SORBS2: variants seen among roughly 807,000 people sequenced by gnomAD.
SORBS2 encodes sorbin and SH3 domain-containing protein 2.
In SORBS2, 46 loss-of-function variants were observed where a neutral mutation model predicts 97.7. The ratio of observed to expected loss-of-function variants is 0.47; its 90% confidence interval spans 0.37 to 0.60. The LOEUF (loss-of-function observed/expected upper bound fraction) is 0.60, where lower values mean the gene tolerates loss of function less well. Among genes scored for constraint, SORBS2 ranks in the 20% least tolerant of loss-of-function variants. SORBS2 has a pLI of 0.00. For missense variants in SORBS2, 1,316 were observed against 1,282.3 expected (o/e 1.03, Z -0.40); for synonymous variants, 476 against 473.4 (o/e 1.01, Z -0.07).
chr4:185,826,564 C>T (rs1394315414), intron 1 of SORBS2, among the ~76,000 whole-genome samples: 3 of 152,214 alleles, frequency 2.0e-5, no homozygotes, highest in Non-Finnish European at 4.4e-5. Context: ...ACACACTTCA[C>T]AATGTGTGAA....
intron 2 of SORBS2, among the ~76,000 whole-genome samples, chr4:185,725,987 T>C (rs2098552397): frequency 6.6e-6 from 1 of 152,218 alleles, no homozygotes; most frequent in South Asian, 2.1e-4. Context: ...GTACATTTCA[T>C]GTTTTAGCCT....
At chr4:185,594,509 A>C (rs1463313501) in intron 12 of SORBS2, among the ~76,000 whole-genome samples, 1 of 152,236 alleles carries the variant, frequency 6.6e-6, no homozygotes, top group Non-Finnish European at 1.5e-5. Context: ...TTAAAAAGAG[A>C]AAACAGAACT....
intron 1 of SORBS2, among the ~76,000 whole-genome samples, chr4:185,896,809 C>A (rs1320643010): frequency 6.6e-6 from 1 of 151,736 alleles, no homozygotes; most frequent in Non-Finnish European, 1.5e-5. Context: ...AAAAGCCAAG[C>A]CACTGGGTGG....
In SORBS2 at chr4:185,747,051, C is replaced by G. The variant is rs566805261; in HGVS notation, c.-198+28176G>C. On this transcript the variant is annotated intron_variant, in intron 2 of 20. Coordinates refer to the SORBS2 transcript ENST00000284776. ...CTCACGCCTATGATGCCACTGCACT[C>G]CAGCCTGGGCAACAGTGTGAGACTT... Among the ~76,000 whole-genome samples the G allele has an allele frequency of 2.9e-3, 449 of 152,206 alleles. 1 individual carries two copies. Among genetic ancestry groups the G allele is most frequent in the Non-Finnish European group, 4.8e-3 (326 of 68,022 alleles).
At chr4:185,657,485 G>T (rs763503532), upstream of SORBS2, 2 of 1,569,400 alleles carry the variant, frequency 1.3e-6, no homozygotes, top group East Asian at 4.8e-5. Context: ...GTAATGCGGG[G>T]CTTTGATGAC....
At chr4:185,658,736 G>A (rs558003229), upstream of SORBS2, among the ~76,000 whole-genome samples, 27 of 133,912 alleles carry the variant, frequency 2.0e-4, no homozygotes, top group African/African-American at 7.1e-4. Context: ...CTGTCACCCA[G>A]CTGGAGTGCA....
intron 1 of SORBS2, among the ~76,000 whole-genome samples, chr4:185,808,464 T>C (rs1400545863): frequency 1.3e-5 from 2 of 152,166 alleles, no homozygotes; most frequent in Non-Finnish European, 2.9e-5. Context: ...AGTTTTTTCA[T>C]AAAAAGGCTA....
At chr4:185,627,723 T>C (rs930637712) in intron 5 of SORBS2, among the ~76,000 whole-genome samples, 7 of 152,186 alleles carry the variant, frequency 4.6e-5, no homozygotes, top group African/African-American at 1.7e-4. Flanking sequence ...TGTTTTGTCT[T>C]AAACATTTTA....
chr4:185,637,902 G>A (rs2097049904), intron 4 of SORBS2, among the ~76,000 whole-genome samples, 177 bp downstream of exon 15: 1 of 152,056 alleles, frequency 6.6e-6, no homozygotes, highest in Admixed American at 6.6e-5. Flanking sequence ...AAATGTCTGA[G>A]CACATTTGAC....
At chr4:185,879,089 G>A (rs1244283533) in intron 1 of SORBS2, among the ~76,000 whole-genome samples, 1 of 149,318 alleles carries the variant, frequency 6.7e-6, no homozygotes, top group East Asian at 1.9e-4. Context: ...TGTTACATAT[G>A]TATACATGTG....
chr4:185,660,882 C>T (rs185005409), upstream of SORBS2, among the ~76,000 whole-genome samples: 49 of 152,208 alleles, frequency 3.2e-4, no homozygotes, highest in Admixed American at 3.1e-3. Context: ...CCTAGTGAGT[C>T]GACATCATGG....
At chr4:185,761,417 T>C (rs1337264962) in intron 2 of SORBS2, 1 of 152,262 alleles carries the variant, frequency 6.6e-6, no homozygotes, top group African/African-American at 2.4e-5. Flanking sequence ...CTACTATAGA[T>C]AGCTCTCATT....
chr4:185,798,100 T>G lies in SORBS2; in HGVS notation c.-337-22734A>C, dbSNP rs573705531. Among the ~76,000 whole-genome samples the G allele has an allele frequency of 5.3e-5, 8 of 152,286 alleles. No homozygotes were observed. In the South Asian group the frequency reaches 1.2e-3, roughly 24 times the overall value. On this transcript the variant is annotated intron_variant, in intron 1 of 20. Transcript: ENST00000284776. The stretch of plus-strand genomic sequence containing the variant: ...AATCAGAGGTGCACGGTGTGTGCCT[T>G]TTACATGAACTCATGCATACACCAA...
At chr4:185,920,439 G>C (rs987499953) in intron 1 of SORBS2, among the ~76,000 whole-genome samples, 3 of 152,170 alleles carry the variant, frequency 2.0e-5, no homozygotes, top group Non-Finnish European at 2.9e-5. Context: ...TGAAAGAAGT[G>C]TACTTTTCCA....
chr4:185,868,950 G>A (rs904427944), intron 1 of SORBS2, among the ~76,000 whole-genome samples: 1 of 152,232 alleles, frequency 6.6e-6, no homozygotes, highest in African/African-American at 2.4e-5. Context: ...ACCTGGAGGA[G>A]AAACAATGCT....
chr4:185,713,037 T>C (rs931876229), intron 2 of SORBS2, among the ~76,000 whole-genome samples: 2 of 152,162 alleles, frequency 1.3e-5, no homozygotes, highest in African/African-American at 4.8e-5. Flanking sequence ...TGCTCAAACA[T>C]CTGAGAGACA....
At chr4:185,945,932 G>C (rs76424085) in intron 1 of SORBS2, among the ~76,000 whole-genome samples, 1 of 152,220 alleles carries the variant, frequency 6.6e-6, no homozygotes, top group Non-Finnish European at 1.5e-5. Flanking sequence ...CATGTGTTTG[G>C]CAGCTTCATG....
chr4:185,858,941 T>G (rs908938955), intron 1 of SORBS2, among the ~76,000 whole-genome samples: 1 of 152,228 alleles, frequency 6.6e-6, no homozygotes, highest in Non-Finnish European at 1.5e-5. Context: ...AATTACTGAT[T>G]ATTTATTAGT....
At chr4:185,940,944 C>T (rs1206932165) in intron 1 of SORBS2, among the ~76,000 whole-genome samples, 2 of 151,970 alleles carry the variant, frequency 1.3e-5, no homozygotes, top group Non-Finnish European at 2.9e-5. Flanking sequence ...TTTTGGTGGT[C>T]GTTACTGGGA....
Sources: allele counts gnomAD v4.1 joint callset (sites outside exome capture counted in the v4.1 genomes callset), GRCh38; gene constraint gnomAD v4.1.1; transcripts MANE v1.5; gene names NCBI Gene and HGNC (gene_info 2026-07-23, HGNC 2026-07-21).